DNAH10: variants seen among roughly 807,000 people sequenced by gnomAD.
DNAH10 encodes axonemal beta dynein heavy chain 10.
A neutral mutation model predicts 506.6 loss-of-function variants in DNAH10; 348 were observed. The ratio of observed to expected loss-of-function variants is 0.69; its 90% CI spans 0.63 to 0.75. The LOEUF (loss-of-function observed/expected upper bound fraction) is 0.75, where lower values mean the gene tolerates loss of function less well. DNAH10 is among the 30% of genes least tolerant of loss of function. The pLI is 0.00. For synonymous variants in DNAH10, 2,059 were observed against 2,198.6 expected (o/e 0.94, Z 1.78); for missense variants, 5,179 against 5,787.1 (o/e 0.89, Z 3.41).
intron 57 of DNAH10, among the ~76,000 whole-genome samples, chr12:123,906,212 G>T (rs1953772697): frequency 6.6e-6 from 1 of 150,700 alleles, no homozygotes; most frequent in Admixed American, 6.6e-5. Context: ...GATTACAGGA[G>T]TGAGCCACTG....
rs546968052 is a variant in DNAH10, at chr12:123,781,987, G to A, written c.841+688G>A. 9.3e-4 allele frequency among the ~76,000 whole-genome samples: 141 copies of A among 152,222 alleles called. 1 individual carries two copies. Among genetic ancestry groups the A allele is most frequent in the African/African-American group, 3.1e-3 (127 of 41,536 alleles). On this transcript the variant is annotated intron_variant, in intron 6 of 78. Transcript: ENST00000673944. ...ACTCAGTGGGTGTTTTCAGTCCAAA[G>A]ACTGAAAAATCATCTTGACGTTTTC...
At chr12:123,934,398 T>C in intron 77 of DNAH10, 1 of 671,230 alleles carries the variant, frequency 1.5e-6, no homozygotes, top group Non-Finnish European at 2.7e-6. Context: ...CCCATTTCTC[T>C]GGGCCATGGG....
intron 59 of DNAH10, among the ~76,000 whole-genome samples, chr12:123,912,554 T>C (rs1471397737): frequency 6.6e-6 from 1 of 151,218 alleles, no homozygotes; most frequent in Non-Finnish European, 1.5e-5. Context: ...CCCCACTGGA[T>C]GCCAGCAGCA....
intron 52 of DNAH10, among the ~76,000 whole-genome samples, chr12:123,892,003 C>T (rs147366602): frequency 0.011 from 1,685 of 152,306 alleles, 13 homozygotes; most frequent in African/African-American, 0.014. Flanking sequence ...CTCAGTGCTC[C>T]GGGATTTCCT....
chr12:123,914,572 C>G, intron 61 of DNAH10, 22 bp downstream of exon 61: 1 of 1,605,740 alleles, frequency 6.2e-7, no homozygotes, highest in Non-Finnish European at 8.5e-7. Flanking sequence ...CCTGAGCCAG[C>G]AGGAGGGAGG....
chr12:123,930,629 T>C, intron 73 of DNAH10, 56 bp downstream of exon 73: 3 of 1,572,652 alleles, frequency 1.9e-6, no homozygotes, highest in Non-Finnish European at 2.6e-6. Context: ...AGGGAGACCA[T>C]ACATTTCAAC....
chr12:123,800,205 C>A lies in DNAH10; in HGVS notation c.2290-11C>A. ...TGCCCTGGCCGCGCTGATGGAATGT[C>A]TCTTCCACAGTCTTCCATCGCCACA... On this transcript the variant is annotated splice_polypyrimidine_tract_variant and intron_variant, in intron 14 of 78. Transcript: ENST00000673944. 1 of 1,612,750 alleles carries A rather than the reference C, an allele frequency of 6.2e-7. No individual in the cohort carries two copies. Among genetic ancestry groups the A allele is most frequent in the South Asian group, 1.1e-5 (1 of 90,776 alleles).
rs71444923 is a variant in DNAH10 at position 123,896,148 on chromosome 12, C to CAG, written c.9280+1471_9280+1472dup. On this transcript the variant is annotated intron_variant, in intron 54 of 78. Coordinates refer to ENST00000673944, the MANE Select transcript of DNAH10 (RefSeq NM_001372106.1). ...ACACACACACACACACACACACACACAGAGAGAGAGAGAGAGAGAGAGAGA... is the reference window on the plus strand; with the variant it reads ...ACACACACACACACACACACACACACAGAGAGAGAGAGAGAGAGAGAGAGAGA... 1.9e-3 allele frequency among the ~76,000 whole-genome samples: 185 copies of CAG among 95,264 alleles called. 2 individuals are homozygous for CAG. The highest frequency in any genetic ancestry group is 5.9e-3 in the African/African-American group (114 of 19,338). 62.5% of individuals were successfully genotyped at this position (95,264 alleles called of 152,430 possible). A position where few individuals can be genotyped will look rare whatever the true frequency, so the allele number is the denominator to read the frequency against.
In DNAH10 at chr12:123,871,602, C is replaced by T. The variant is rs754170926; in HGVS notation, c.7785C>T (p.Asn2595=). ...NFLKNLSEET[N]IVLMVNFSSR... is the part of the protein sequence containing the mutation. Reference sequence around the variant, plus strand: ...TCAAAAATCTGAGTGAAGAAACTAACGTAAGTCATTATTCATATGAATTAT... The same window carrying T: ...TCAAAAATCTGAGTGAAGAAACTAATGTAAGTCATTATTCATATGAATTAT... The change falls in exon 45 of 79, where the codon AAC becomes AAT. Residue 2595 remains asparagine, a splice_region_variant and synonymous_variant. Transcript: ENST00000673944. The T allele has an allele frequency of 1.2e-5, 19 of 1,548,918 alleles. No individual in the cohort carries two copies. Among genetic ancestry groups the T allele is most frequent in the South Asian group, 4.8e-5 (4 of 84,062 alleles).
chr12:123,767,362 G>A (rs562477479), intron 1 of DNAH10, among the ~76,000 whole-genome samples: 6 of 152,232 alleles, frequency 3.9e-5, no homozygotes, highest in Non-Finnish European at 8.8e-5. Context: ...ATTTCTTCTG[G>A]GCTGGTGGTA....
chr12:123,930,077 A>G (rs1470479586), intron 72 of DNAH10: 6 of 521,576 alleles, frequency 1.2e-5, no homozygotes, highest in Admixed American at 1.1e-4. Context: ...AGGCAGTGAC[A>G]TCAATTCCAA....
chr12:123,885,990 T>C (rs1321015143), intron 51 of DNAH10, among the ~76,000 whole-genome samples: 2 of 152,178 alleles, frequency 1.3e-5, no homozygotes, highest in African/African-American at 2.4e-5. Context: ...TTCACAAATA[T>C]TGGCCTTTTG....
In DNAH10 at chr12:123,762,602, G is replaced by T; in HGVS notation, c.214+52G>T. ...CCCGGGCTTCCCTCCTGCCCGTCCC[G>T]GCCTCTCCGGCGGGCGCCGGGGCTG... On this transcript the variant is annotated intron_variant, in intron 1 of 78. Transcript: ENST00000673944. This position sits in a 1 kb window ranked among gnomAD's most constrained non-coding sequence, Gnocchi z 5.0. 2 of 1,498,278 alleles carry T rather than the reference G, an allele frequency of 1.3e-6. No individual in the cohort carries two copies. Among genetic ancestry groups the T allele is most frequent in the Non-Finnish European group, 1.8e-6 (2 of 1,121,442 alleles). The allele number at this position is 1,498,278 out of a possible 1,614,324, so 92.8% of individuals were successfully genotyped here.
At chr12:123,771,254 G>A (rs1484707154) in intron 2 of DNAH10, among the ~76,000 whole-genome samples, 1 of 152,184 alleles carries the variant, frequency 6.6e-6, no homozygotes, top group Non-Finnish European at 1.5e-5. Flanking sequence ...ATAGGCATGA[G>A]CCACTGCGCC....
intron 30 of DNAH10, among the ~76,000 whole-genome samples, chr12:123,843,694 T>C (rs7979227): frequency 0.15 from 22,083 of 152,110 alleles, 4,710 homozygotes; most frequent in African/African-American, 0.47. Context: ...TCTCCTGCCT[T>C]AGACTTCTGA....
chr12:123,883,085 G>A (rs867927333), intron 51 of DNAH10, among the ~76,000 whole-genome samples: 2 of 151,940 alleles, frequency 1.3e-5, no homozygotes, highest in African/African-American at 4.8e-5. Context: ...GGAGGCCCTC[G>A]TGTGGCTATG....
intron 34 of DNAH10, among the ~76,000 whole-genome samples, chr12:123,849,755 A>G (rs1951088061): frequency 6.6e-6 from 1 of 152,206 alleles, no homozygotes; most frequent in East Asian, 1.9e-4. Flanking sequence ...ATGAAAATTC[A>G]GCTTGAGCTG....
intron 2 of DNAH10, 25 bp downstream of exon 2, chr12:123,767,714 G>A (rs562441229): frequency 2.9e-5 from 47 of 1,598,600 alleles, no homozygotes; most frequent in Non-Finnish European, 3.9e-5. Context: ...GGGGTCATGG[G>A]AGGGTGGAAC....
At position 123,850,015 on chromosome 12, in the gene DNAH10, G is replaced by A. The variant is rs974509019; in HGVS notation, c.6103-873G>A. 1.3e-5 allele frequency among the ~76,000 whole-genome samples: 2 copies of A among 152,166 alleles called. No homozygotes were observed. Among genetic ancestry groups the A allele is most frequent in the African/African-American group, 4.8e-5 (2 of 41,432 alleles). ...CAGAGCCAGGAGGCAGCAGCTATCT[G>A]CTCTTCCCCCTGGGCCATCTGGGCC... is the stretch of plus-strand genomic sequence containing the variant. On this transcript the variant is annotated intron_variant, in intron 34 of 78. Transcript: ENST00000673944. This position sits in a 1 kb window ranked among gnomAD's most constrained non-coding sequence, Gnocchi z 5.5.
Sources: allele counts gnomAD v4.1 joint callset (sites outside exome capture counted in the v4.1 genomes callset), GRCh38; gene constraint gnomAD v4.1.1; non-coding constraint Gnocchi (gnomAD v3.1); transcripts MANE v1.5; gene names NCBI Gene and HGNC (gene_info 2026-07-23, HGNC 2026-07-21).